MAN2B2: variants seen among roughly 807,000 people sequenced by gnomAD.
MAN2B2 encodes mannosidase alpha class 2B member 2, also known as epididymis-specific alpha-mannosidase.
A neutral mutation model predicts 117.1 loss-of-function variants in MAN2B2; 106 were observed. That is an observed-to-expected ratio of 0.90 (90% CI 0.77 to 1.06). The LOEUF is 1.06. Among genes scored for constraint, MAN2B2 ranks in the 50% least tolerant of loss-of-function variants. MAN2B2 has a pLI of 0.00. For synonymous variants in MAN2B2, 544 were observed against 595.1 expected (o/e 0.91, Z 1.25); for missense variants, 1,326 against 1,381.4 (o/e 0.96, Z 0.64).
At chr4:6,617,591 C>T (rs1711948603) in intron 17 of MAN2B2, 99 bp downstream of exon 17, 1 of 1,554,494 alleles carries the variant, frequency 6.4e-7, no homozygotes. Flanking sequence ...CGAGGGCTTC[C>T]TCCCAAATGG....
In MAN2B2 at chr4:6,609,980, A is replaced by G. The variant is rs1727704738; in HGVS notation, c.2189A>G (p.Tyr730Cys). 1.9e-6 allele frequency: 3 copies of G among 1,614,104 alleles called. No individual in the cohort carries two copies. The highest frequency in any genetic ancestry group is 1.7e-5 in the Admixed American group (1 of 60,022). ...STNLNSQQVI[Y>C]SDNNGYQMQR... is the part of the protein sequence containing the mutation. ...AACCTAAACAGCCAGCAGGTCATCT[A>G]CTCAGACAACAACGGCTACCAGATG... The change falls in exon 13 of 19, where the codon TAC becomes TGC. Residue 730 changes from tyrosine (Y) to cysteine (C), a missense_variant. Transcript: ENST00000285599.
intron 6 of MAN2B2, among the ~76,000 whole-genome samples, chr4:6,594,304 G>A (rs531557289): frequency 2.5e-5 from 3 of 118,886 alleles, no homozygotes; most frequent in African/African-American, 5.7e-5. Context: ...TTAGCCAGGT[G>A]TGGTGGCGCC....
intron 5 of MAN2B2, among the ~76,000 whole-genome samples, chr4:6,591,527 G>C (rs1353811574): frequency 4.6e-5 from 7 of 152,222 alleles, no homozygotes; most frequent in African/African-American, 1.7e-4. Flanking sequence ...TCACCAGCTG[G>C]CAGGGAGGTG....
intron 4 of MAN2B2, among the ~76,000 whole-genome samples, chr4:6,588,578 G>A (rs557027950): frequency 2.0e-5 from 3 of 152,122 alleles, no homozygotes; most frequent in African/African-American, 7.2e-5. Context: ...AGCCGGGCGT[G>A]GTAGCAAGTG....
In MAN2B2 at chr4:6,605,270, C is replaced by G. The variant is rs149325410; in HGVS notation, c.1755C>G (p.Asn585Lys). 5.0e-6 allele frequency: 8 copies of G among 1,614,168 alleles called. No individual in the cohort carries two copies. Among genetic ancestry groups the G allele is most frequent in the Admixed American group, 1.7e-5 (1 of 60,022 alleles). Residue 585 changes from asparagine to lysine, a missense_variant, in exon 11 of 19, where the codon AAC (asparagine) becomes AAG (lysine). Transcript: ENST00000285599. ...HAGRYLVPVA[N>K]DCYIVLLDQD... ...GCAGGTACTTGGTGCCTGTGGCAAACGACTGCTACATTGTGCTGCTCGACC... is the reference window on the plus strand; with the variant it reads ...GCAGGTACTTGGTGCCTGTGGCAAAGGACTGCTACATTGTGCTGCTCGACC...
chr4:6,585,052 A>G (rs1222456643), intron 3 of MAN2B2, among the ~76,000 whole-genome samples: 1 of 144,544 alleles, frequency 6.9e-6, no homozygotes, highest in Non-Finnish European at 1.5e-5. Flanking sequence ...TGCTCCCCCC[A>G]CCCTCTGGCT....
intron 3 of MAN2B2, among the ~76,000 whole-genome samples, chr4:6,584,769 C>T (rs1261628869): frequency 6.6e-6 from 1 of 152,214 alleles, no homozygotes; most frequent in Admixed American, 6.5e-5. Context: ...CTCCAGCTGC[C>T]AGACAGAGAG....
chr4:6,621,488 C>A lies in MAN2B2; in HGVS notation c.*203C>A, dbSNP rs1488755276. 3.7e-6 allele frequency: 2 copies of A among 535,592 alleles called. No individual in the cohort carries two copies. The highest frequency in any genetic ancestry group is 6.7e-6 in the Non-Finnish European group (2 of 299,302). The allele number at this position is 535,592 out of a possible 1,614,324, so 33.2% of individuals were successfully genotyped here. ...ATTACATTACAAGATCCAGGTTCTT[C>A]CCCCCCACACTCAATCAAGCCAGCC... On this transcript the variant is annotated 3_prime_UTR_variant, in exon 19 of 19. Coordinates refer to ENST00000285599, the MANE Select transcript of MAN2B2 (RefSeq NM_015274.3).
chr4:6,610,522 G>A (rs752137457), intron 13 of MAN2B2, among the ~76,000 whole-genome samples: 1 of 152,266 alleles, frequency 6.6e-6, no homozygotes, highest in African/African-American at 2.4e-5. Flanking sequence ...CAGGCTGTGA[G>A]TCAGACTGGT....
chr4:6,601,976 G>A lies in MAN2B2; in HGVS notation c.1539+1220G>A, dbSNP rs1327218625. On this transcript the variant is annotated intron_variant, in intron 10 of 18. Coordinates refer to ENST00000285599, the MANE Select transcript of MAN2B2 (RefSeq NM_015274.3). ...TTGAGGGGAGTTGGATCTACCCAGC[G>A]GACTGATACTGGGCTTGGGGCATCC... Among the ~76,000 whole-genome samples, 8 of 152,330 alleles carry A rather than the reference G, an allele frequency of 5.3e-5. No individual in the cohort carries two copies. The East Asian group carries it at 1.4e-3, about 26-fold the overall frequency.
rs16838974 is a variant in MAN2B2, at chr4:6,589,174, C to T, written c.680+14C>T. On this transcript the variant is annotated intron_variant, in intron 5 of 18. Transcript: ENST00000285599. ...TTTCTCCAACAGGTACGTGCCCTTC[C>T]GCAGTGCCTTTGGGATCTCAGACAG... is the stretch of plus-strand genomic sequence containing the variant. 10,046 of 1,589,426 alleles carry T rather than the reference C, an allele frequency of 6.3e-3. 533 individuals carry two copies. In the African/African-American group the frequency reaches 0.11, roughly 18 times the overall value.
At chr4:6,589,636 CA>C (rs1228264267) in intron 5 of MAN2B2, among the ~76,000 whole-genome samples, 3 of 152,202 alleles carry the variant, frequency 2.0e-5, no homozygotes, top group African/African-American at 7.2e-5. Flanking sequence ...CCCCATTTTA[CA>C]GATGTGGAAA....
Position 6,610,019 on chromosome 4 carries a change from A to C in MAN2B2, c.2228A>C (p.Tyr743Ser), listed in dbSNP as rs755550673. 6.2e-7 allele frequency: 1 copy of C among 1,614,146 alleles called. No homozygotes were observed. Among genetic ancestry groups the C allele is most frequent in the South Asian group, 1.1e-5 (1 of 91,084 alleles). The change falls in exon 13 of 19, where the codon TAC (tyrosine) becomes TCC (serine). Residue 743 changes from tyrosine (Y) to serine (S), a missense_variant. Tyr to Ser is a moderately radical substitution (Grantham distance 144). Coordinates refer to ENST00000285599, the MANE Select transcript of MAN2B2 (RefSeq NM_015274.3). Reference protein sequence around the residue: ...NNGYQMQRRPYVSYVNNSIAR... With the variant: ...NNGYQMQRRPSVSYVNNSIAR... The stretch of plus-strand genomic sequence containing the variant: ...GGCTACCAGATGCAGCGGAGGCCCT[A>C]CGTTTCCTATGTGAACAACAGCATC...
chr4:6,621,514 C>G lies in MAN2B2; in HGVS notation c.*229C>G, dbSNP rs77893177. The G allele has an allele frequency of 3.5e-3, 1,754 of 503,154 alleles. 34 individuals are homozygous for G. The highest frequency in any genetic ancestry group is 0.03 in the African/African-American group (1,555 of 51,918). The allele number at this position is 503,154 out of a possible 1,614,324, so 31.2% of individuals were successfully genotyped here. ...CCCCCCACACTCAATCAAGCCAGCCCTCTCCTCTTCTGTCACGTAAAGGAT... is the reference window on the plus strand; with the variant it reads ...CCCCCCACACTCAATCAAGCCAGCCGTCTCCTCTTCTGTCACGTAAAGGAT... On this transcript the variant is annotated 3_prime_UTR_variant, in exon 19 of 19. Transcript: ENST00000285599.
intron 6 of MAN2B2, 124 bp from the exon 7 acceptor site, chr4:6,594,410 T>C: frequency 1.1e-6 from 1 of 891,940 alleles, no homozygotes; most frequent in Non-Finnish European, 1.8e-6. Context: ...GGAGCTGGTT[T>C]GGGGCCCCTG....
Position 6,611,120 on chromosome 4 carries a change from ACTGGGAC to A in MAN2B2, c.2411_2417del (p.Asp804AlafsTer6). ...CACCGGCGGCTGTGGAACAACTTCG[ACTGGGAC>A]CTGGGCTACAACCTCACGCTGAACG... On this transcript the variant is annotated frameshift_variant, in exon 15 of 19. Transcript: ENST00000285599. LOFTEE classifies it high-confidence loss of function. 1.2e-6 allele frequency: 2 copies of A among 1,613,690 alleles called. No individual in the cohort carries two copies. The highest frequency in any genetic ancestry group is 1.7e-6 in the Non-Finnish European group (2 of 1,179,850).
chr4:6,575,884 A>C (rs978957058), intron 1 of MAN2B2, among the ~76,000 whole-genome samples: 78 of 152,300 alleles, frequency 5.1e-4, no homozygotes, highest in African/African-American at 1.8e-3. Context: ...AAGCATGCCC[A>C]CTACAGCCAG....
At chr4:6,607,984 T>C (rs1392575674) in intron 11 of MAN2B2, among the ~76,000 whole-genome samples, 1 of 152,260 alleles carries the variant, frequency 6.6e-6, no homozygotes, top group African/African-American at 2.4e-5. Context: ...TGCTAACTAA[T>C]GGTGTTGAGC....
chr4:6,593,920 C>A (rs988116623), intron 6 of MAN2B2, among the ~76,000 whole-genome samples: 8 of 152,134 alleles, frequency 5.3e-5, no homozygotes, highest in Non-Finnish European at 1.0e-4. Context: ...TTTCCTGAGG[C>A]CACAGAGTTC....
Sources: allele counts gnomAD v4.1 joint callset (sites outside exome capture counted in the v4.1 genomes callset), GRCh38; gene constraint gnomAD v4.1.1; transcripts MANE v1.5; gene names NCBI Gene and HGNC (gene_info 2026-07-23, HGNC 2026-07-21).